Variants in TENM2 observed in about 807,000 individuals in gnomAD.
TENM2 encodes the protein teneurin-2.
A neutral mutation model predicts 245.2 loss-of-function variants in TENM2; 52 were observed. The ratio of observed to expected loss-of-function variants is 0.21; its 90% CI spans 0.17 to 0.27. The LOEUF (loss-of-function observed/expected upper bound fraction) is 0.27, where lower values mean the gene tolerates loss of function less well. TENM2 is among the 10% of genes least tolerant of loss of function. The pLI, the probability that TENM2 is intolerant of heterozygous loss-of-function variation, is 1.00. For missense variants in TENM2, 3,046 were observed against 3,666.8 expected (o/e 0.83, Z 4.37); for synonymous variants, 1,363 against 1,438.9 (o/e 0.95, Z 1.19).
chr5:168,244,440 G>A lies in TENM2; in HGVS notation c.5541G>A (p.Leu1847=), dbSNP rs1766368862. The A allele has an allele frequency of 1.3e-6, 2 of 1,562,298 alleles. No individual in the cohort carries two copies. The highest frequency in any genetic ancestry group is 1.7e-6 in the Non-Finnish European group (2 of 1,146,912). Residue 1847 remains leucine, a synonymous_variant, in exon 26 of 29, where the codon TTG becomes TTA. Coordinates refer to ENST00000518659, the Ensembl canonical transcript of TENM2. This position sits in a 1 kb window ranked among gnomAD's most constrained non-coding sequence, Gnocchi z 4.9. Reference sequence around the variant, plus strand: ...CCTAGGTCCATGGAAGAAATCTCTTGTCCATTGACTATGATCGAAATATTC... The same window carrying A: ...CCTAGGTCCATGGAAGAAATCTCTTATCCATTGACTATGATCGAAATATTC...
intron 2 of TENM2, among the ~76,000 whole-genome samples, chr5:167,523,679 G>T (rs939779768): frequency 3.3e-5 from 5 of 152,092 alleles, no homozygotes; most frequent in Non-Finnish European, 7.3e-5. Context: ...ACCTTTGAGA[G>T]AGCACTTTGT....
chr5:168,115,747 G>A (rs1279292036), intron 9 of TENM2, among the ~76,000 whole-genome samples: 1 of 152,154 alleles, frequency 6.6e-6, no homozygotes, highest in Non-Finnish European at 1.5e-5. Flanking sequence ...TTCCCACCAG[G>A]AAATACCTTC....
intron 2 of TENM2, among the ~76,000 whole-genome samples, chr5:167,669,388 C>T (rs1335424696): frequency 6.6e-6 from 1 of 152,090 alleles, no homozygotes; most frequent in African/African-American, 2.4e-5. Flanking sequence ...AATGTGTGAA[C>T]ATGTCTTGCT....
the TENM2 span, among the ~76,000 whole-genome samples, chr5:167,078,219 C>T: frequency 4.6e-5 from 7 of 152,140 alleles, no homozygotes; most frequent in Admixed American, 4.6e-4. Flanking sequence ...TGCAGTGGCT[C>T]ATGCCTGTAA....
At chr5:167,133,327 G>A in the TENM2 span, among the ~76,000 whole-genome samples, 11 of 152,176 alleles carry the variant, frequency 7.2e-5, no homozygotes, top group Admixed American at 7.2e-4. Context: ...TCTCTGAGTG[G>A]GGTATGTCTG....
chr5:168,045,587 G>A (rs79001974), intron 5 of TENM2, among the ~76,000 whole-genome samples: 3 of 152,154 alleles, frequency 2.0e-5, no homozygotes, highest in Admixed American at 1.3e-4. Flanking sequence ...TCAAAGCTTT[G>A]TTAGGCCTGG....
the TENM2 span, among the ~76,000 whole-genome samples, chr5:167,076,314 G>C: frequency 2.2e-3 from 328 of 152,138 alleles, 5 homozygotes; most frequent in East Asian, 0.038. Flanking sequence ...TATGATTTTT[G>C]TCTGTTTCTC....
At chr5:167,905,862 T>C (rs899439716) in intron 3 of TENM2, among the ~76,000 whole-genome samples, 1 of 152,202 alleles carries the variant, frequency 6.6e-6, no homozygotes, top group Non-Finnish European at 1.5e-5. Context: ...TGCACCCTAA[T>C]TGCAAAAGTT....
rs116634751 is a variant in TENM2 at position 167,332,146 on chromosome 5, C to G, written c.227-43052C>G. ...GACTCTAAGATGGGATAAGTAGAAC[C>G]ATAATTACAGGAAAAAAATTTGGGC... On this transcript the variant is annotated intron_variant, in intron 1 of 28. Transcript: ENST00000518659. Among the ~76,000 whole-genome samples the G allele has an allele frequency of 3.3e-3, 508 of 152,140 alleles. 3 individuals are homozygous for G. The highest frequency in any genetic ancestry group is 0.012 in the African/African-American group (480 of 41,506).
chr5:168,063,028 A>T (rs576529270), intron 7 of TENM2, among the ~76,000 whole-genome samples: 1 of 152,350 alleles, frequency 6.6e-6, no homozygotes, highest in South Asian at 2.1e-4. Context: ...TATGAATTTT[A>T]TCTCCAAAAA....
Position 168,003,346 on chromosome 5 carries a change from C to CA in TENM2, c.1186+10164_1186+10165insA, listed in dbSNP as rs1491582087. Among the ~76,000 whole-genome samples, 200 of 42,732 alleles carry CA rather than the reference C, an allele frequency of 4.7e-3. 1 individual carries two copies. The East Asian group carries it at 0.12, about 25-fold the overall frequency. 28.0% of individuals were successfully genotyped at this position (42,732 alleles called of 152,430 possible). A position where few individuals can be genotyped will look rare whatever the true frequency, so the allele number is the denominator to read the frequency against. ...ACACACACACACACACACACACACACCCCCAAAGCTGGCATAACTGTGAAG... is the reference window on the plus strand; with the variant it reads ...ACACACACACACACACACACACACACACCCCAAAGCTGGCATAACTGTGAAG... On this transcript the variant is annotated intron_variant, in intron 5 of 28. Coordinates refer to ENST00000518659, the Ensembl canonical transcript of TENM2.
At chr5:167,731,697 GTT>G (rs58942656) in intron 2 of TENM2, among the ~76,000 whole-genome samples, 10 of 121,662 alleles carry the variant, frequency 8.2e-5, no homozygotes, top group African/African-American at 1.2e-4. Flanking sequence ...TTTCTCAGAG[GTT>G]TTTTTTTTTT....
rs143532611 is a variant in TENM2, at chr5:167,417,579, A to C, written c.502+42106A>C. ...TGGCTAACTATAATTGTAATTTATAAATTTTTGTGCCAGGTACTGTGCTAA... is the reference window on the plus strand; with the variant it reads ...TGGCTAACTATAATTGTAATTTATACATTTTTGTGCCAGGTACTGTGCTAA... On this transcript the variant is annotated intron_variant, in intron 2 of 28. Transcript: ENST00000518659. Among the ~76,000 whole-genome samples, 346 of 152,258 alleles carry C rather than the reference A, an allele frequency of 2.3e-3. 6 individuals carry two copies. The highest frequency in any genetic ancestry group is 8.0e-3 in the African/African-American group (332 of 41,556).
At chr5:168,028,852 C>T (rs1054457773) in intron 5 of TENM2, among the ~76,000 whole-genome samples, 2 of 151,064 alleles carry the variant, frequency 1.3e-5, no homozygotes, top group Non-Finnish European at 2.9e-5. Flanking sequence ...CAATTAGAGT[C>T]CTTAACTAGG....
intron 2 of TENM2, among the ~76,000 whole-genome samples, chr5:167,584,913 G>A (rs1395075920): frequency 6.6e-6 from 1 of 152,122 alleles, no homozygotes; most frequent in Non-Finnish European, 1.5e-5. Context: ...TAAACTCAGT[G>A]AGGACAGGAG....
chr5:167,599,267 AAG>A (rs992265014), intron 2 of TENM2, among the ~76,000 whole-genome samples: 1 of 152,216 alleles, frequency 6.6e-6, no homozygotes, highest in African/African-American at 2.4e-5. Context: ...ACGACAGAGA[AAG>A]AGAAAGGGTA....
intron 2 of TENM2, among the ~76,000 whole-genome samples, chr5:167,830,796 C>A (rs1434724415): frequency 6.6e-6 from 1 of 152,110 alleles, no homozygotes; most frequent in East Asian, 1.9e-4. Flanking sequence ...ATTGATGGGC[C>A]CCAACCTCAG....
chr5:168,049,099 C>G (rs1788860892), intron 6 of TENM2, among the ~76,000 whole-genome samples: 1 of 152,130 alleles, frequency 6.6e-6, no homozygotes, highest in Admixed American at 6.6e-5. Flanking sequence ...TTTTTGCACC[C>G]CTAGAGGACA....
In TENM2 at chr5:168,198,780, G is replaced by A. The variant is rs1761683225; in HGVS notation, c.2901-73G>A. The A allele has an allele frequency of 3.2e-6, 5 of 1,548,658 alleles. No individual in the cohort carries two copies. The Admixed American group carries it at 6.9e-5, about 21-fold the overall frequency. On this transcript the variant is annotated intron_variant, in intron 15 of 28. Coordinates refer to ENST00000518659, the Ensembl canonical transcript of TENM2. ...CTCTGCCCATCGCATGGCCATCAGG[G>A]GAGGAGGAGAGGCATCCTGCCTTGT...
Sources: gnomAD v4.1 joint callset for allele counts (sites outside exome capture counted in the v4.1 genomes callset) on GRCh38, gnomAD v4.1.1 for gene constraint, Gnocchi (gnomAD v3.1) non-coding constraint, MANE v1.5 for transcripts, NCBI Gene and HGNC (gene_info 2026-07-23, HGNC 2026-07-21) for gene names.